MYO1B: variants seen among roughly 807,000 people sequenced by gnomAD.
MYO1B encodes myosin IB, also known as unconventional myosin-Ib.
Under a neutral mutation model 159.7 loss-of-function variants are expected in MYO1B, and 72 were observed. The ratio of observed to expected loss-of-function variants is 0.45; its 90% CI spans 0.37 to 0.55. The LOEUF is 0.55. Among genes scored for constraint, MYO1B ranks in the 20% least tolerant of loss-of-function variants. The pLI, the probability that MYO1B is intolerant of heterozygous loss-of-function variation, is 0.00. For missense variants in MYO1B, 1,062 were observed against 1,364.8 expected (o/e 0.78, Z 3.50); for synonymous variants, 468 against 473.8 (o/e 0.99, Z 0.16).
At position 191,378,821 on chromosome 2, in the gene MYO1B, C is replaced by A. The variant is rs151191628; in HGVS notation, c.1186-2641C>A. Among the ~76,000 whole-genome samples the A allele has an allele frequency of 6.6e-4, 101 of 152,166 alleles. No individual in the cohort carries two copies. The East Asian group carries it at 0.012, about 17-fold the overall frequency. On this transcript the variant is annotated intron_variant, in intron 13 of 30. Coordinates refer to ENST00000392318, the MANE Select transcript of MYO1B (RefSeq NM_001130158.3). Reference sequence around the variant, plus strand: ...GTGGGAACCTACAGTGGGAGAGATTCAACTGAAGAAAGATTTTGGGATAAG... The same window carrying A: ...GTGGGAACCTACAGTGGGAGAGATTAAACTGAAGAAAGATTTTGGGATAAG...
chr2:191,345,155 G>A (rs1692485952), intron 5 of MYO1B, among the ~76,000 whole-genome samples: 1 of 152,136 alleles, frequency 6.6e-6, no homozygotes. Flanking sequence ...TGTGGCCCCT[G>A]GATCCCAGTA....
chr2:191,409,867 T>C, intron 26 of MYO1B, among the ~76,000 whole-genome samples: 1 of 152,232 alleles, frequency 6.6e-6, no homozygotes, highest in Admixed American at 6.5e-5. Context: ...ATGTTAAATA[T>C]ATGCAGTTAT....
intron 21 of MYO1B, among the ~76,000 whole-genome samples, chr2:191,399,604 T>G (rs1696477726): frequency 6.6e-6 from 1 of 152,206 alleles, no homozygotes; most frequent in African/African-American, 2.4e-5. Context: ...TGGTATGGTC[T>G]GGATCCAGAG....
At chr2:191,366,938 C>T (rs1020668831) in intron 11 of MYO1B, among the ~76,000 whole-genome samples, 1 of 151,882 alleles carries the variant, frequency 6.6e-6, no homozygotes, top group Non-Finnish European at 1.5e-5. Flanking sequence ...CTTAGCTCCA[C>T]TCTAAGCTCC....
At chr2:191,280,685 C>T (rs1294949686) in intron 2 of MYO1B, among the ~76,000 whole-genome samples, 1 of 152,088 alleles carries the variant, frequency 6.6e-6, no homozygotes, top group Non-Finnish European at 1.5e-5. Flanking sequence ...CCAGATTTTT[C>T]CAAAGTAGAT....
chr2:191,319,399 C>G (rs1690557840), intron 3 of MYO1B, among the ~76,000 whole-genome samples: 1 of 152,178 alleles, frequency 6.6e-6, no homozygotes, highest in African/African-American at 2.4e-5. Flanking sequence ...TGCTCAGTCT[C>G]TGACGGGGCT....
At chr2:191,373,965 T>A (rs55977154) in intron 13 of MYO1B, among the ~76,000 whole-genome samples, 3,756 of 152,316 alleles carry the variant, frequency 0.025, 157 homozygotes, top group African/African-American at 0.085. Flanking sequence ...ATAACTTTTT[T>A]AAATAAATTT....
intron 1 of MYO1B, among the ~76,000 whole-genome samples, chr2:191,260,595 A>G (rs1686753821): frequency 6.6e-6 from 1 of 152,220 alleles, no homozygotes; most frequent in African/African-American, 2.4e-5. Context: ...GCTACTTACA[A>G]TAGAAGCACC....
chr2:191,369,773 G>A (rs1372531444), intron 12 of MYO1B, 145 bp downstream of exon 12: 1 of 678,994 alleles, frequency 1.5e-6, no homozygotes, highest in Non-Finnish European at 2.4e-6. Flanking sequence ...CCATGTATAA[G>A]ATTGAAATTT....
rs1694275974 is a variant in MYO1B, at chr2:191,370,272, T to C, written c.1165T>C (p.Tyr389His). 6.8e-6 allele frequency: 11 copies of C among 1,613,268 alleles called. No individual in the cohort carries two copies. The highest frequency in any genetic ancestry group is 9.3e-6 in the Non-Finnish European group (11 of 1,179,642). The change falls in exon 13 of 31, where the codon TAT becomes CAT. Residue 389 changes from tyrosine (Y) to histidine (H), a missense_variant. Tyr to His is a moderately conservative substitution (Grantham distance 83). This residue lies in a region of MYO1B where 415 missense variants were observed against 544.0 expected (regional missense o/e 0.76). Coordinates refer to ENST00000392318, the MANE Select transcript of MYO1B (RefSeq NM_001130158.3). ...RKKVMGVLDI[Y>H]GFEIFEDNSF... ...GAAGGTCATGGGTGTTCTGGACATTTATGGCTTTGAGATTTTCGAGGTAAG... is the reference window on the plus strand; with the variant it reads ...GAAGGTCATGGGTGTTCTGGACATTCATGGCTTTGAGATTTTCGAGGTAAG...
At chr2:191,346,652 C>T (rs1559187855) in intron 6 of MYO1B, among the ~76,000 whole-genome samples, 1 of 152,180 alleles carries the variant, frequency 6.6e-6, no homozygotes, top group Middle Eastern at 3.4e-3. Flanking sequence ...GCACCGTAAC[C>T]CTTGTCCCTT....
chr2:191,275,339 A>T (rs1687686911), intron 1 of MYO1B, among the ~76,000 whole-genome samples: 1 of 147,906 alleles, frequency 6.8e-6, no homozygotes, highest in South Asian at 2.3e-4. Context: ...CCTCTCATAA[A>T]TTCATCTTAG....
At position 191,385,961 on chromosome 2, in the gene MYO1B, A is replaced by C; in HGVS notation, c.1431A>C (p.Glu477Asp). The change falls in exon 16 of 31, where the codon GAA (glutamate) becomes GAC (aspartate). Residue 477 changes from glutamate (E) to aspartate (D), a missense_variant. Glu to Asp is a conservative substitution (Grantham distance 45). Coordinates refer to ENST00000392318, the MANE Select transcript of MYO1B (RefSeq NM_001130158.3). ...CAGTCACTGATGAGACCTTCTTAGA[A>C]AAGCTGAACCAAGTATGTGCCACCC... ...PGTVTDETFL[E>D]KLNQVCATHQ... The C allele has an allele frequency of 6.2e-7, 1 of 1,614,174 alleles. No homozygotes were observed. The highest frequency in any genetic ancestry group is 8.5e-7 in the Non-Finnish European group (1 of 1,180,010).
intron 2 of MYO1B, among the ~76,000 whole-genome samples, chr2:191,285,693 C>T (rs369180796): frequency 3.7e-4 from 56 of 152,106 alleles, no homozygotes; most frequent in Middle Eastern, 3.4e-3. Context: ...AGTGGACAGC[C>T]GATGGAGTAG....
At position 191,414,615 on chromosome 2, in the gene MYO1B, C is replaced by T; in HGVS notation, c.3105C>T (p.Thr1035=). 1 of 1,613,524 alleles carries T rather than the reference C, an allele frequency of 6.2e-7. No homozygotes were observed. The highest frequency in any genetic ancestry group is 8.5e-7 in the Non-Finnish European group (1 of 1,179,768). The change falls in exon 29 of 31, where the codon ACC becomes ACT. Residue 1035 remains threonine (T), a synonymous_variant. Coordinates refer to ENST00000392318, the MANE Select transcript of MYO1B (RefSeq NM_001130158.3). ...IKSEVPLVDV[T]KVSMSSQNDG... ...CAGAGGTTCCATTGGTGGATGTGAC[C>T]AAGGTATCAATGAGCTCACAAAATG...
chr2:191,410,720 A>G (rs534913142), intron 26 of MYO1B, among the ~76,000 whole-genome samples: 21 of 152,304 alleles, frequency 1.4e-4, no homozygotes, highest in Admixed American at 7.8e-4. Context: ...GTGATGCACA[A>G]TATTTTTACT....
At position 191,400,810 on chromosome 2, in the gene MYO1B, T is replaced by C. The variant is rs1696564817; in HGVS notation, c.2444T>C (p.Ile815Thr). 6.2e-7 allele frequency: 1 copy of C among 1,614,028 alleles called. No individual in the cohort carries two copies. The highest frequency in any genetic ancestry group is 8.5e-7 in the Non-Finnish European group (1 of 1,179,880). Residue 815 changes from isoleucine (I) to threonine (T), a missense_variant, in exon 23 of 31, where the codon ATT (isoleucine) becomes ACT (threonine). Ile to Thr is a moderately conservative substitution (Grantham distance 89, BLOSUM62 -1). Transcript: ENST00000392318. ...AGGAATAAACATGCTATTGCAGTTA[T>C]TTGGGCTTACTGGCTTGGATCTAAG... ...EARNKHAIAV[I>T]WAYWLGSKAR... is the part of the protein sequence containing the mutation.
At chr2:191,386,189 A>G (rs531451139) in intron 16 of MYO1B, 105 bp downstream of exon 16, 3 of 1,001,318 alleles carry the variant, frequency 3.0e-6, no homozygotes. Flanking sequence ...TGTGAGGACA[A>G]ATTGAGCTGC....
intron 2 of MYO1B, among the ~76,000 whole-genome samples, chr2:191,291,438 C>CTCAA (rs1688679770): frequency 6.6e-6 from 1 of 151,330 alleles, no homozygotes; most frequent in African/African-American, 2.5e-5. Context: ...TTTTCTTCTC[C>CTCAA]CTCTTCCCTT....
Sources: allele counts gnomAD v4.1 joint callset (sites outside exome capture counted in the v4.1 genomes callset), GRCh38; gene constraint gnomAD v4.1.1; regional missense constraint gnomAD v4.1.1; transcripts MANE v1.5; gene names NCBI Gene and HGNC (gene_info 2026-07-23, HGNC 2026-07-21).